Variants in IMMP2L observed in about 807,000 individuals in gnomAD.
The protein encoded by IMMP2L is inner mitochondrial membrane peptidase subunit 2.
In IMMP2L, 18 loss-of-function variants were observed where a neutral mutation model predicts 19.3. The ratio of observed to expected loss-of-function variants is 0.93; its 90% CI spans 0.64 to 1.38. IMMP2L has a LOEUF of 1.38. Among genes scored for constraint, IMMP2L ranks in the 40% most tolerant of loss-of-function variants. IMMP2L has a pLI of 0.00. For synonymous variants in IMMP2L, 76 were observed against 73.0 expected, an observed-to-expected ratio of 1.04 and a Z score of -0.21; for missense variants, 233 against 218.2, an observed-to-expected ratio of 1.07 and a Z score of -0.43.
At chr7:111,155,639 T>C (rs530886689) in intron 3 of IMMP2L, among the ~76,000 whole-genome samples, 1 of 149,054 alleles carries the variant, frequency 6.7e-6, no homozygotes, top group East Asian at 2.0e-4. Flanking sequence ...AATGGAAACT[T>C]GTGTGCATTG....
chr7:110,736,067 C>T (rs191308432), intron 5 of IMMP2L, among the ~76,000 whole-genome samples: 255 of 152,160 alleles, frequency 1.7e-3, no homozygotes, highest in African/African-American at 5.8e-3. Flanking sequence ...AATTCAGGTG[C>T]GGTGCTCCTC....
rs1267113526 is a variant in IMMP2L, at chr7:110,963,514, T to C, written c.291A>G (p.Glu97=). The C allele has an allele frequency of 6.2e-7, 1 of 1,601,182 alleles. No individual in the cohort carries two copies. The highest frequency in any genetic ancestry group is 8.5e-7 in the Non-Finnish European group (1 of 1,170,636). Reference sequence around the variant, plus strand: ...TAAATACTTACCTGACAATATCTCCTTCAAGAGCAATCACTCTCTTAATGA... The same window carrying C: ...TAAATACTTACCTGACAATATCTCCCTCAAGAGCAATCACTCTCTTAATGA... ...QKIIKRVIAL[E]GDIVRTIGHK... The change falls in exon 4 of 6, where the codon GAA becomes GAG. Residue 97 remains glutamate (E), a synonymous_variant. Coordinates refer to ENST00000405709, the MANE Select transcript of IMMP2L (RefSeq NM_032549.4).
chr7:111,057,760 C>A (rs1793648052), intron 3 of IMMP2L, among the ~76,000 whole-genome samples: 1 of 152,146 alleles, frequency 6.6e-6, no homozygotes, highest in Admixed American at 6.5e-5. Context: ...TGCTTTCAAG[C>A]CTGATGAAAT....
At chr7:111,016,492 T>C (rs1316631292) in intron 3 of IMMP2L, among the ~76,000 whole-genome samples, 1 of 126,794 alleles carries the variant, frequency 7.9e-6, no homozygotes, top group Non-Finnish European at 1.6e-5. Flanking sequence ...ATATATTTTA[T>C]AATATATATT....
chr7:111,446,674 T>C (rs181086364), intron 3 of IMMP2L, among the ~76,000 whole-genome samples: 71 of 152,298 alleles, frequency 4.7e-4, no homozygotes, highest in Non-Finnish European at 8.4e-4. Flanking sequence ...AGGAACGCAG[T>C]TCCTCACCAG....
intron 3 of IMMP2L, chr7:111,124,843 A>T: frequency 2.5e-6 from 4 of 1,612,260 alleles, no homozygotes; most frequent in Non-Finnish European, 3.4e-6. Flanking sequence ...AAAAGAAAAA[A>T]GTACATCACT....
intron 5 of IMMP2L, among the ~76,000 whole-genome samples, chr7:110,837,340 G>A (rs191531578): frequency 1.3e-5 from 2 of 151,906 alleles, no homozygotes; most frequent in Admixed American, 1.3e-4. Flanking sequence ...GGAGGAAAGA[G>A]AGAGAAAAGA....
intron 5 of IMMP2L, among the ~76,000 whole-genome samples, chr7:110,849,880 A>T (rs1248675042): frequency 6.6e-6 from 1 of 152,138 alleles, no homozygotes; most frequent in Non-Finnish European, 1.5e-5. Flanking sequence ...TTATAAATTT[A>T]AAAAATACAA....
At chr7:111,313,667 A>G (rs1212795446) in intron 3 of IMMP2L, among the ~76,000 whole-genome samples, 1 of 152,124 alleles carries the variant, frequency 6.6e-6, no homozygotes, top group Non-Finnish European at 1.5e-5. Flanking sequence ...AAAATCAACT[A>G]TAGGAGTTTT....
intron 3 of IMMP2L, among the ~76,000 whole-genome samples, chr7:111,023,735 G>C (rs1364763013): frequency 6.6e-6 from 1 of 151,910 alleles, no homozygotes; most frequent in African/African-American, 2.4e-5. Flanking sequence ...AACAAAAATT[G>C]TAAGTTTATT....
intron 5 of IMMP2L, among the ~76,000 whole-genome samples, chr7:110,761,782 C>T (rs1798364329): frequency 6.6e-6 from 1 of 152,172 alleles, no homozygotes; most frequent in Non-Finnish European, 1.5e-5. Context: ...TGTTAATTGG[C>T]AGCTTGAGCC....
At chr7:110,664,399 G>T (rs1791297736) in intron 5 of IMMP2L, among the ~76,000 whole-genome samples, 1 of 152,056 alleles carries the variant, frequency 6.6e-6, no homozygotes, top group African/African-American at 2.4e-5. Flanking sequence ...AACAAGGTGG[G>T]ATGGGTAGCA....
chr7:111,369,451 G>C (rs1830078126), intron 3 of IMMP2L, among the ~76,000 whole-genome samples: 1 of 151,756 alleles, frequency 6.6e-6, no homozygotes, highest in South Asian at 2.1e-4. Flanking sequence ...TCATGAAAGG[G>C]CTAAAATTAC....
chr7:111,372,619 C>CT (rs958927171), intron 3 of IMMP2L, among the ~76,000 whole-genome samples: 22 of 148,304 alleles, frequency 1.5e-4, no homozygotes, highest in South Asian at 2.1e-4. Flanking sequence ...GAGTTCTGTT[C>CT]TTTTTTTTTT....
chr7:110,882,118 C>G (rs1230584791), intron 5 of IMMP2L, among the ~76,000 whole-genome samples: 1 of 152,098 alleles, frequency 6.6e-6, no homozygotes, highest in African/African-American at 2.4e-5. Context: ...CCTGCCCCTT[C>G]TAGGCATCAG....
At chr7:111,316,745 C>A (rs1824126472) in intron 3 of IMMP2L, among the ~76,000 whole-genome samples, 1 of 149,782 alleles carries the variant, frequency 6.7e-6, no homozygotes, top group Non-Finnish European at 1.5e-5. Flanking sequence ...ATCATATTTA[C>A]AATCAAAAAA....
chr7:110,706,728 A>C (rs958056863), intron 5 of IMMP2L, among the ~76,000 whole-genome samples: 2 of 152,070 alleles, frequency 1.3e-5, no homozygotes, highest in African/African-American at 4.8e-5. Context: ...TAAGTTCCTT[A>C]TAGATTCTGA....
chr7:111,548,885 T>C (rs1422093301), intron 1 of IMMP2L, among the ~76,000 whole-genome samples: 1 of 152,160 alleles, frequency 6.6e-6, no homozygotes, highest in Non-Finnish European at 1.5e-5. Flanking sequence ...AGCATTTTCT[T>C]CCTACAAACA....
chr7:111,127,396 T>A (rs1192751633), intron 3 of IMMP2L, among the ~76,000 whole-genome samples: 2 of 152,212 alleles, frequency 1.3e-5, no homozygotes, highest in Non-Finnish European at 1.5e-5. Context: ...CACTGGGAAT[T>A]CATTTTAATC....
Sources: allele counts gnomAD v4.1 joint callset (sites outside exome capture counted in the v4.1 genomes callset), GRCh38; gene constraint gnomAD v4.1.1; transcripts MANE v1.5; gene names NCBI Gene and HGNC (gene_info 2026-07-23, HGNC 2026-07-21).